Variants in SCMH1 observed in about 807,000 individuals in gnomAD.
SCMH1 encodes the protein Scm polycomb group protein homolog 1, also known as polycomb protein SCMH1.
Under a neutral mutation model 70.8 loss-of-function variants are expected in SCMH1, and 37 were observed. The ratio of observed to expected loss-of-function variants is 0.52; its 90% CI spans 0.40 to 0.69. SCMH1 has a LOEUF of 0.69. Ranked by LOEUF, SCMH1 falls within the 30% of genes least tolerant of loss-of-function variation. The probability of loss-of-function intolerance (pLI) is 0.00; values close to 1 mark genes in which losing one functional copy is unlikely to be tolerated. For missense variants in SCMH1, 607 were observed against 827.3 expected, an observed-to-expected ratio of 0.73 and a Z score of 3.27; for synonymous variants, 292 against 307.4, an observed-to-expected ratio of 0.95 and a Z score of 0.52.
In SCMH1 at chr1:41,101,994, A is replaced by G. The variant is rs1209904074; in HGVS notation, c.745+11289T>C. ...GATAAAGAACTAAACATGCCTAGTT[A>G]TAATAATGAAGGACACTAGGCCTCT... is the stretch of plus-strand genomic sequence containing the variant. On this transcript the variant is annotated intron_variant, in intron 8 of 14. Transcript: ENST00000337495. Among the ~76,000 whole-genome samples, 3 of 152,362 alleles carry G rather than the reference A, an allele frequency of 2.0e-5. No individual in the cohort carries two copies. The East Asian group carries it at 5.8e-4, about 29-fold the overall frequency.
chr1:41,224,597 CT>C (rs1659913710), intron 1 of SCMH1, among the ~76,000 whole-genome samples: 1 of 152,138 alleles, frequency 6.6e-6, no homozygotes, highest in Admixed American at 6.5e-5. Flanking sequence ...CTACTAGACA[CT>C]TTTTTATAAA....
intron 6 of SCMH1, among the ~76,000 whole-genome samples, chr1:41,131,935 A>G (rs957049628): frequency 6.6e-6 from 1 of 152,054 alleles, no homozygotes; most frequent in Non-Finnish European, 1.5e-5. Flanking sequence ...CATTTTCTTT[A>G]TCCAGTCTAT....
At chr1:41,064,012 T>C (rs1468996478) in intron 10 of SCMH1, among the ~76,000 whole-genome samples, 1 of 152,150 alleles carries the variant, frequency 6.6e-6, no homozygotes, top group Non-Finnish European at 1.5e-5. Context: ...TATTATCAAA[T>C]CAAATTGAAC....
At position 41,242,064 on chromosome 1, in the gene SCMH1, G is replaced by T; in HGVS notation, c.-123C>A. On this transcript the variant is annotated 5_prime_UTR_variant, in exon 1 of 15. Coordinates refer to ENST00000337495, the Ensembl canonical transcript of SCMH1. This position sits in a 1 kb window ranked among gnomAD's most constrained non-coding sequence, Gnocchi z 5.2. The stretch of plus-strand genomic sequence containing the variant: ...GGCGGCCGCGAGGCGCTTACCTGAG[G>T]GCGCGGCGGGGGCGCGGGGCGGCTC... The T allele has an allele frequency of 6.6e-6, 1 of 152,512 alleles. No homozygotes were observed. The highest frequency in any genetic ancestry group is 1.8e-4 in the South Asian group (1 of 5,472). 9.4% of individuals were successfully genotyped at this position (152,512 alleles called of 1,614,324 possible).
intron 10 of SCMH1, among the ~76,000 whole-genome samples, chr1:41,064,214 T>C (rs764278789): frequency 6.6e-6 from 1 of 152,086 alleles, no homozygotes; most frequent in Non-Finnish European, 1.5e-5. Context: ...ATAAAAACTA[T>C]TGGAAACTAG....
At chr1:41,190,083 C>T (rs1172277077) in intron 1 of SCMH1, among the ~76,000 whole-genome samples, 1 of 152,182 alleles carries the variant, frequency 6.6e-6, no homozygotes, top group African/African-American at 2.4e-5. Flanking sequence ...AAGACGATGA[C>T]AGTCCTGGAT....
intron 13 of SCMH1, among the ~76,000 whole-genome samples, chr1:41,036,195 A>G (rs1249064776): frequency 6.6e-6 from 1 of 152,188 alleles, no homozygotes; most frequent in African/African-American, 2.4e-5. Context: ...TGCTGTTTAT[A>G]CACTGGTGAC....
At chr1:41,062,086 A>G (rs1476183299) in intron 10 of SCMH1, among the ~76,000 whole-genome samples, 1 of 152,044 alleles carries the variant, frequency 6.6e-6, no homozygotes, top group African/African-American at 2.4e-5. Flanking sequence ...AGCTGGTCTC[A>G]AACTCCTGAG....
chr1:41,088,866 T>C lies in SCMH1; in HGVS notation c.746-13415A>G, dbSNP rs72663771. Among the ~76,000 whole-genome samples the C allele has an allele frequency of 4.5e-3, 690 of 152,282 alleles. 7 individuals are homozygous for C. The highest frequency in any genetic ancestry group is 5.5e-3 in the Non-Finnish European group (375 of 68,026). ...TTGGCGGAAACTAAGATTCATACTG[T>C]AGAAAAAGGGGAGATGTAAAATATT... On this transcript the variant is annotated intron_variant, in intron 8 of 14. Transcript: ENST00000337495.
Position 41,128,509 on chromosome 1 carries a change from TGAC to T in SCMH1, c.413-11502_413-11500del, listed in dbSNP as rs374869904. Among the ~76,000 whole-genome samples the T allele has an allele frequency of 3.0e-4, 45 of 152,330 alleles. No homozygotes were observed. In the East Asian group the frequency reaches 8.5e-3, roughly 29 times the overall value. On this transcript the variant is annotated intron_variant, in intron 6 of 14. Transcript: ENST00000337495. ...ACTGTATTCTGGCTTGCACTGTTTC[TGAC>T]GAGAAGTTGCTGTCATTCTTTGTTC...
chr1:41,241,296 C>T (rs1182668431), intron 1 of SCMH1, among the ~76,000 whole-genome samples: 1 of 152,256 alleles, frequency 6.6e-6, no homozygotes, highest in East Asian at 1.9e-4. Context: ...CGGCTGGATA[C>T]CACTTTCGAT....
chr1:41,158,853 C>T (rs751494177), intron 4 of SCMH1, among the ~76,000 whole-genome samples: 17 of 152,114 alleles, frequency 1.1e-4, no homozygotes, highest in Non-Finnish European at 1.9e-4. Context: ...TAGAGCTTCT[C>T]TCTAAAAATC....
exon 15 of SCMH1, chr1:41,027,998 C>G: frequency 1.6e-6 from 1 of 628,092 alleles, no homozygotes; most frequent in Non-Finnish European, 2.8e-6. Context: ...CCTGGACCCC[C>G]ACTCTCCCTC....
At chr1:41,135,110 G>A (rs926728762) in intron 6 of SCMH1, among the ~76,000 whole-genome samples, 12 of 152,074 alleles carry the variant, frequency 7.9e-5, no homozygotes, top group Non-Finnish European at 1.2e-4. Flanking sequence ...TTTAATAACA[G>A]TATTCATACA....
At chr1:41,132,776 C>A (rs1642582165) in intron 6 of SCMH1, among the ~76,000 whole-genome samples, 1 of 152,144 alleles carries the variant, frequency 6.6e-6, no homozygotes, top group Non-Finnish European at 1.5e-5. Flanking sequence ...CCAGTTTTCC[C>A]AGCACCATTT....
intron 10 of SCMH1, among the ~76,000 whole-genome samples, chr1:41,067,894 G>A (rs761275376): frequency 1.3e-5 from 2 of 152,170 alleles, no homozygotes; most frequent in Non-Finnish European, 2.9e-5. Context: ...CAATGTATGT[G>A]TAGGGGCAGC....
chr1:41,198,925 A>C (rs1653661899), intron 1 of SCMH1, among the ~76,000 whole-genome samples: 1 of 152,148 alleles, frequency 6.6e-6, no homozygotes, highest in Non-Finnish European at 1.5e-5. Context: ...TGCCTGACTG[A>C]CCTAAACTCC....
intron 10 of SCMH1, among the ~76,000 whole-genome samples, chr1:41,067,360 C>T (rs1242309682): frequency 3.4e-5 from 5 of 149,078 alleles, no homozygotes; most frequent in African/African-American, 7.4e-5. Flanking sequence ...AGGAGAATGG[C>T]GTGAACCTGG....
exon 11 of SCMH1, chr1:41,048,729 T>C (rs1204837995): frequency 1.9e-5 from 30 of 1,614,058 alleles, no homozygotes; most frequent in African/African-American, 4.0e-5. Flanking sequence ...TTGAGGAAGC[T>C]GAAGACGGTT....
Sources: gnomAD v4.1 joint callset for allele counts (sites outside exome capture counted in the v4.1 genomes callset) on GRCh38, gnomAD v4.1.1 for gene constraint, Gnocchi (gnomAD v3.1) non-coding constraint, MANE v1.5 for transcripts, NCBI Gene and HGNC (gene_info 2026-07-23, HGNC 2026-07-21) for gene names.